C1QTNF3: variants seen among roughly 807,000 people sequenced by gnomAD.
C1QTNF3 encodes C1q and TNF related 3, also known as complement C1q tumor necrosis factor-related protein 3.
In C1QTNF3, 26 loss-of-function variants were observed where a neutral mutation model predicts 32.6. The ratio of observed to expected loss-of-function variants is 0.80; its 90% CI spans 0.58 to 1.11. The LOEUF (loss-of-function observed/expected upper bound fraction) is 1.11. Among genes scored for constraint, C1QTNF3 ranks in the 50% least tolerant of loss-of-function variants. The probability of loss-of-function intolerance (pLI) is 0.00; values close to 1 mark genes in which losing one functional copy is unlikely to be tolerated. For missense variants in C1QTNF3, 362 were observed against 398.2 expected (o/e 0.91, Z 0.77); for synonymous variants, 155 against 146.0 (o/e 1.06, Z -0.44).
At chr5:34,099,501 TA>T in the C1QTNF3 span, among the ~76,000 whole-genome samples, 1 of 151,880 alleles carries the variant, frequency 6.6e-6, no homozygotes. Flanking sequence ...GAGGCAAAAT[TA>T]ATATAGAGAC....
At chr5:34,059,635 A>C in the C1QTNF3 span, among the ~76,000 whole-genome samples, 1 of 152,260 alleles carries the variant, frequency 6.6e-6, no homozygotes, top group African/African-American at 2.4e-5. Flanking sequence ...TCATGACCTA[A>C]TCACCTCCCA....
the C1QTNF3 span, among the ~76,000 whole-genome samples, chr5:34,160,942 AC>A: frequency 6.6e-6 from 1 of 152,218 alleles, no homozygotes; most frequent in African/African-American, 2.4e-5. Context: ...TCAGAAAAAT[AC>A]TGCTTATTTT....
the C1QTNF3 span, among the ~76,000 whole-genome samples, chr5:34,225,501 A>G: frequency 6.6e-6 from 1 of 152,014 alleles, no homozygotes; most frequent in Non-Finnish European, 1.5e-5. Context: ...TAATAAACTG[A>G]CTTATCTTCA....
At chr5:34,203,918 T>C in the C1QTNF3 span, among the ~76,000 whole-genome samples, 75 of 151,908 alleles carry the variant, frequency 4.9e-4, no homozygotes, top group African/African-American at 1.8e-3. Flanking sequence ...AGTATAACAA[T>C]GACAAAGGAA....
chr5:34,020,813 C>A (rs1754310587), intron 5 of C1QTNF3, 71 bp from the exon 6 acceptor site: 1 of 1,441,470 alleles, frequency 6.9e-7, no homozygotes. Context: ...AAAGTCTGTG[C>A]TCCCCTTCTC....
chr5:34,085,513 A>G, the C1QTNF3 span, among the ~76,000 whole-genome samples: 7 of 151,482 alleles, frequency 4.6e-5, no homozygotes, highest in African/African-American at 1.7e-4. Flanking sequence ...CCATTGGTCT[A>G]TATATCTGTT....
the C1QTNF3 span, among the ~76,000 whole-genome samples, chr5:34,244,377 G>A: frequency 6.6e-6 from 1 of 152,146 alleles, no homozygotes; most frequent in Admixed American, 6.5e-5. Context: ...AAAGAACAAA[G>A]CCTCCACACT....
chr5:34,220,493 TACACACAC>T, the C1QTNF3 span, among the ~76,000 whole-genome samples: 10 of 145,850 alleles, frequency 6.9e-5, no homozygotes, highest in East Asian at 2.0e-4. Flanking sequence ...TCAGTTAGCA[TACACACAC>T]ACACACACAC....
chr5:34,171,279 A>G, the C1QTNF3 span, among the ~76,000 whole-genome samples: 1 of 151,820 alleles, frequency 6.6e-6, no homozygotes, highest in South Asian at 2.1e-4. Flanking sequence ...TTTTTCAGCA[A>G]GTTTATAAAT....
the C1QTNF3 span, among the ~76,000 whole-genome samples, chr5:34,125,152 G>A: frequency 6.6e-6 from 1 of 152,214 alleles, no homozygotes; most frequent in Non-Finnish European, 1.5e-5. Flanking sequence ...TGGGTGATGA[G>A]TGGGTTGGCC....
chr5:34,213,716 A>ATGTGTATATATG, the C1QTNF3 span, among the ~76,000 whole-genome samples: 25 of 141,050 alleles, frequency 1.8e-4, no homozygotes, highest in Non-Finnish European at 3.6e-4. Flanking sequence ...GTGTATATAT[A>ATGTGTATATATG]TGTATATATA....
chr5:34,231,758 G>C, the C1QTNF3 span, among the ~76,000 whole-genome samples: 1 of 151,432 alleles, frequency 6.6e-6, no homozygotes, highest in East Asian at 1.9e-4. Flanking sequence ...CTAGGCAAAA[G>C]TCTGCTGCAG....
the C1QTNF3 span, among the ~76,000 whole-genome samples, chr5:34,125,870 T>C: frequency 6.6e-6 from 1 of 152,176 alleles, no homozygotes; most frequent in Non-Finnish European, 1.5e-5. Flanking sequence ...CTAAATTTAT[T>C]TAGCTTTTAT....
chr5:34,068,293 CA>C, the C1QTNF3 span, among the ~76,000 whole-genome samples: 1 of 152,092 alleles, frequency 6.6e-6, no homozygotes, highest in East Asian at 1.9e-4. Context: ...CATTTCAAGA[CA>C]TTTCTTACAT....
the C1QTNF3 span, among the ~76,000 whole-genome samples, chr5:34,067,429 T>A: frequency 6.6e-6 from 1 of 152,198 alleles, no homozygotes; most frequent in African/African-American, 2.4e-5. Context: ...TTAATTGGAC[T>A]TACAGTTCCA....
chr5:34,057,482 C>CAT, the C1QTNF3 span, among the ~76,000 whole-genome samples: 1 of 152,208 alleles, frequency 6.6e-6, no homozygotes, highest in East Asian at 1.9e-4. Context: ...GGACATTCAT[C>CAT]ATCCCACATG....
In C1QTNF3 at chr5:34,019,113, G is replaced by A. The variant is rs1262841825; in HGVS notation, c.*1470C>T. Among the ~76,000 whole-genome samples, 2 of 144,444 alleles carry A rather than the reference G, an allele frequency of 1.4e-5. No individual in the cohort carries two copies. The highest frequency in any genetic ancestry group is 2.7e-5 in the African/African-American group (1 of 37,608). The allele number at this position is 144,444 out of a possible 152,430, so 94.8% of individuals were successfully genotyped here. A position where few individuals can be genotyped will look rare whatever the true frequency, so the allele number is the denominator to read the frequency against. On this transcript the variant is annotated 3_prime_UTR_variant, in exon 6 of 6. Coordinates refer to ENST00000382065, the MANE Select transcript of C1QTNF3 (RefSeq NM_181435.6). ...ACTGCACTCCAGCCTGGGCAGCAGC[G>A]TGAAACTGTCTCAAAAAAAAAAAAG... is the stretch of plus-strand genomic sequence containing the variant.
In C1QTNF3 at chr5:34,033,362, C is replaced by T. The variant is rs750208893; in HGVS notation, c.512G>A (p.Arg171Gln). The T allele has an allele frequency of 1.9e-5, 31 of 1,613,724 alleles. No individual in the cohort carries two copies. Among genetic ancestry groups the T allele is most frequent in the South Asian group, 2.2e-5 (2 of 91,052 alleles). The change falls in exon 3 of 6, where the codon CGG becomes CAG. Residue 171 changes from arginine to glutamine, a missense_variant. Arg to Gln is a conservative substitution (Grantham distance 43). Transcript: ENST00000382065. The stretch of plus-strand genomic sequence containing the variant: ...CTCTCCTTTGGGGCCATGCTGCCCC[C>T]GCTCCCCTCGAGGCCCCAGGTCACC... ...DKGDLGPRGE[R>Q]GQHGPKGEKG...
intron 5 of C1QTNF3, among the ~76,000 whole-genome samples, chr5:34,022,706 A>C (rs73761632): frequency 0.067 from 10,135 of 152,256 alleles, 574 homozygotes; most frequent in African/African-American, 0.16. Context: ...GGTGGAAAAC[A>C]ATGTGACTAA....
Sources: gnomAD v4.1 joint callset for allele counts (sites outside exome capture counted in the v4.1 genomes callset) on GRCh38, gnomAD v4.1.1 for gene constraint, MANE v1.5 for transcripts, NCBI Gene and HGNC (gene_info 2026-07-23, HGNC 2026-07-21) for gene names.